ADGRB3: variants seen among roughly 807,000 people sequenced by gnomAD.
ADGRB3 encodes the protein adhesion G protein-coupled receptor B3.
In ADGRB3, 37 loss-of-function variants were observed where a neutral mutation model predicts 193.4. The ratio of observed to expected loss-of-function variants is 0.19; its 90% CI spans 0.15 to 0.25. The LOEUF is 0.25. Ranked by LOEUF, ADGRB3 falls within the 10% of genes least tolerant of loss-of-function variation. The pLI is 1.00. For synonymous variants in ADGRB3, 690 were observed against 644.2 expected, an observed-to-expected ratio of 1.07 and a Z score of -1.08; for missense variants, 1,637 against 1,852.9, an observed-to-expected ratio of 0.88 and a Z score of 2.14.
At chr6:69,313,075 C>T (rs1416962793) in intron 20 of ADGRB3, among the ~76,000 whole-genome samples, 2 of 151,838 alleles carry the variant, frequency 1.3e-5, no homozygotes, top group African/African-American at 2.4e-5. Context: ...CAAGGTCACA[C>T]ATTTGGTAGC....
chr6:68,811,544 T>C (rs1767512825), intron 3 of ADGRB3, among the ~76,000 whole-genome samples: 1 of 152,018 alleles, frequency 6.6e-6, no homozygotes, highest in Non-Finnish European at 1.5e-5. Context: ...TCTCGGCTCA[T>C]TGCAGCCTCT....
At chr6:69,155,199 G>A (rs1157134915) in intron 17 of ADGRB3, among the ~76,000 whole-genome samples, 2 of 152,178 alleles carry the variant, frequency 1.3e-5, no homozygotes, top group Non-Finnish European at 2.9e-5. Context: ...TATCTAATAA[G>A]GAGAGAGAAA....
intron 26 of ADGRB3, 88 bp downstream of exon 26, chr6:69,339,592 CA>C: frequency 7.1e-7 from 1 of 1,407,646 alleles, no homozygotes; most frequent in African/African-American, 1.4e-5. Context: ...TCTTGATGTT[CA>C]GATTAAAGCT....
At chr6:69,039,252 GA>G (rs34473584) in intron 13 of ADGRB3, among the ~76,000 whole-genome samples, 49,700 of 135,574 alleles carry the variant, frequency 0.37, 9,599 homozygotes, top group East Asian at 0.83. Flanking sequence ...AATAAGGAAA[GA>G]AAAAAAAAAA....
intron 17 of ADGRB3, among the ~76,000 whole-genome samples, chr6:69,228,472 T>C (rs1223605653): frequency 6.6e-6 from 1 of 152,162 alleles, no homozygotes. Flanking sequence ...TTAACAGGTA[T>C]AGAGGAGCAT....
intron 17 of ADGRB3, among the ~76,000 whole-genome samples, chr6:69,138,154 G>A (rs527273340): frequency 1.3e-5 from 2 of 152,262 alleles, no homozygotes; most frequent in South Asian, 4.1e-4. Flanking sequence ...AAAGAAGCCT[G>A]GAATATATGG....
intron 17 of ADGRB3, among the ~76,000 whole-genome samples, chr6:69,137,902 G>T (rs1031491337): frequency 1.3e-5 from 2 of 152,292 alleles, no homozygotes; most frequent in South Asian, 2.1e-4. Flanking sequence ...GAAATGTTTG[G>T]CAGAATGGCC....
chr6:68,728,551 A>G (rs2127329741), intron 3 of ADGRB3, among the ~76,000 whole-genome samples: 1 of 151,624 alleles, frequency 6.6e-6, no homozygotes, highest in South Asian at 2.1e-4. Context: ...ACTGTTTTCT[A>G]GGCTTTCTTC....
intron 20 of ADGRB3, among the ~76,000 whole-genome samples, chr6:69,313,737 T>C (rs1383322394): frequency 3.3e-5 from 5 of 151,782 alleles, no homozygotes; most frequent in African/African-American, 1.2e-4. Context: ...ACATGGTTTT[T>C]ACCCTTTGCT....
intron 3 of ADGRB3, among the ~76,000 whole-genome samples, chr6:68,744,889 T>A (rs886720531): frequency 5.9e-5 from 9 of 152,022 alleles, no homozygotes; most frequent in Non-Finnish European, 1.0e-4. Flanking sequence ...AGTATAATTT[T>A]AAAAAATAGG....
At chr6:69,164,312 A>G (rs1260629144) in intron 17 of ADGRB3, among the ~76,000 whole-genome samples, 1 of 152,036 alleles carries the variant, frequency 6.6e-6, no homozygotes, top group Non-Finnish European at 1.5e-5. Flanking sequence ...GGAGACAGGA[A>G]ACCCAAAAGA....
intron 3 of ADGRB3, among the ~76,000 whole-genome samples, chr6:68,831,228 A>G (rs961101097): frequency 6.6e-6 from 1 of 151,616 alleles, no homozygotes; most frequent in African/African-American, 2.4e-5. Context: ...CAAAAGACAG[A>G]AAAGAAGTCA....
chr6:68,641,514 G>A (rs767309737), intron 3 of ADGRB3, among the ~76,000 whole-genome samples: 2 of 152,156 alleles, frequency 1.3e-5, no homozygotes, highest in Non-Finnish European at 2.9e-5. Context: ...TTAAAGTGCA[G>A]TATGATGTTA....
intron 3 of ADGRB3, among the ~76,000 whole-genome samples, chr6:68,665,281 T>C (rs901010620): frequency 4.6e-5 from 7 of 151,838 alleles, no homozygotes; most frequent in African/African-American, 1.7e-4. Flanking sequence ...TGTTTTGGGG[T>C]CATGGTATTT....
intron 3 of ADGRB3, among the ~76,000 whole-genome samples, chr6:68,900,787 A>G (rs781025578): frequency 6.6e-6 from 1 of 152,112 alleles, no homozygotes. Flanking sequence ...GCATCAACCA[A>G]TTGAACCATT....
At position 69,170,511 on chromosome 6, in the gene ADGRB3, A is replaced by C. The variant is rs900117286; in HGVS notation, c.2481-62779A>C. ...CAGCACTATATATTCTCTCATCCAC[A>C]GATGCTTTGCCAAACTCTTATCACA... On this transcript the variant is annotated intron_variant, in intron 17 of 31. Transcript: ENST00000370598. Among the ~76,000 whole-genome samples the C allele has an allele frequency of 4.6e-5, 7 of 152,290 alleles. No individual in the cohort carries two copies. The East Asian group carries it at 1.4e-3, about 29-fold the overall frequency.
At chr6:68,874,721 A>T (rs73747815) in intron 3 of ADGRB3, among the ~76,000 whole-genome samples, 4,234 of 152,276 alleles carry the variant, frequency 0.028, 204 homozygotes, top group African/African-American at 0.095. Flanking sequence ...AATTCAAGTA[A>T]AGCCACTACT....
chr6:69,213,884 C>G (rs1765717926), intron 17 of ADGRB3, among the ~76,000 whole-genome samples: 1 of 152,034 alleles, frequency 6.6e-6, no homozygotes, highest in Non-Finnish European at 1.5e-5. Context: ...CATTTACCAC[C>G]CAATATGTTC....
chr6:69,287,472 G>T (rs1217043558), intron 20 of ADGRB3, among the ~76,000 whole-genome samples: 2 of 152,110 alleles, frequency 1.3e-5, no homozygotes, highest in Non-Finnish European at 2.9e-5. Flanking sequence ...GAATCTACAT[G>T]TAACAGAAAG....
Sources: allele counts gnomAD v4.1 joint callset (sites outside exome capture counted in the v4.1 genomes callset), GRCh38; gene constraint gnomAD v4.1.1; transcripts MANE v1.5; gene names NCBI Gene and HGNC (gene_info 2026-07-23, HGNC 2026-07-21).